Variants in PCCA observed in about 807,000 individuals in gnomAD.
PCCA encodes propionyl-CoA carboxylase alpha chain, mitochondrial.
PCCA carries 74 observed loss-of-function variants against 101.3 expected under a neutral mutation model. The observed-to-expected ratio is 0.73, with a 90% CI of 0.61 to 0.89. The LOEUF (loss-of-function observed/expected upper bound fraction) is 0.89. PCCA is among the 40% of genes least tolerant of loss of function. PCCA has a pLI of 0.00. For synonymous variants in PCCA, 294 were observed against 313.6 expected (o/e 0.94, Z 0.66); for missense variants, 891 against 907.0 (o/e 0.98, Z 0.23).
chr13:100,432,544 A>C (rs2079631033), intron 20 of PCCA, among the ~76,000 whole-genome samples: 1 of 152,214 alleles, frequency 6.6e-6, no homozygotes, highest in African/African-American at 2.4e-5. Context: ...AGGTTGGAGG[A>C]CCAGATAGTG....
At chr13:100,140,512 C>T (rs1000407297) in intron 4 of PCCA, among the ~76,000 whole-genome samples, 4 of 152,172 alleles carry the variant, frequency 2.6e-5, no homozygotes, top group African/African-American at 9.7e-5. Context: ...TAGGGGTTCT[C>T]CTGGAGTTCT....
intron 7 of PCCA, among the ~76,000 whole-genome samples, chr13:100,230,286 G>A (rs1253276957): frequency 6.6e-6 from 1 of 152,152 alleles, no homozygotes; most frequent in Non-Finnish European, 1.5e-5. Context: ...GCTCATGCCT[G>A]TAATCCCAGC....
rs1489360535 is a variant in PCCA at position 100,491,617 on chromosome 13, C to CA, written c.1900-23807dup. 5.4e-6 allele frequency: 7 copies of CA among 1,294,500 alleles called. No homozygotes were observed. In the African/African-American group the frequency reaches 7.6e-5, roughly 14 times the overall value. 80.2% of individuals were successfully genotyped at this position (1,294,500 alleles called of 1,614,324 possible). ...GTTAACTCGGTTGTGAAATAATGGCCAAAGCGGTGCACTCTTAATAACTTT... is the reference window on the plus strand; with the variant it reads ...GTTAACTCGGTTGTGAAATAATGGCCAAAAGCGGTGCACTCTTAATAACTTT... On this transcript the variant is annotated intron_variant, in intron 21 of 23. Coordinates refer to ENST00000376285, the MANE Select transcript of PCCA (RefSeq NM_000282.4).
At chr13:100,163,752 TG>T (rs1260961080) in intron 6 of PCCA, among the ~76,000 whole-genome samples, 2 of 152,176 alleles carry the variant, frequency 1.3e-5, no homozygotes, top group Non-Finnish European at 2.9e-5. Context: ...TCAAGGTGGT[TG>T]GATTTATGTC....
intron 20 of PCCA, among the ~76,000 whole-genome samples, chr13:100,431,464 G>A (rs573178136): frequency 2.6e-5 from 4 of 152,196 alleles, no homozygotes; most frequent in South Asian, 4.2e-4. Flanking sequence ...TGTGTTTTGC[G>A]TTTGTGTAGA....
At chr13:100,276,213 CAAAAAAAA>C (rs59671834) in intron 12 of PCCA, among the ~76,000 whole-genome samples, 24 of 102,140 alleles carry the variant, frequency 2.3e-4, no homozygotes, top group African/African-American at 1.0e-3. Context: ...TTGTCTGTAC[CAAAAAAAA>C]AAAAAAAAAA....
At chr13:100,426,198 G>T in intron 20 of PCCA, among the ~76,000 whole-genome samples, 2 of 151,778 alleles carry the variant, frequency 1.3e-5, no homozygotes, top group South Asian at 2.1e-4. Context: ...CTTTCTTTTC[G>T]CCTCAATATA....
At chr13:100,339,119 C>A (rs2070936304) in intron 17 of PCCA, among the ~76,000 whole-genome samples, 1 of 152,080 alleles carries the variant, frequency 6.6e-6, no homozygotes, top group Non-Finnish European at 1.5e-5. Flanking sequence ...CATATCCTCC[C>A]TGCACTTTAA....
chr13:100,421,763 C>T (rs915298997), intron 19 of PCCA, among the ~76,000 whole-genome samples: 6 of 151,998 alleles, frequency 3.9e-5, no homozygotes, highest in African/African-American at 1.5e-4. Context: ...CAGCTCACTG[C>T]AACCTCTGCC....
At chr13:100,195,992 A>T (rs1387002298) in intron 6 of PCCA, among the ~76,000 whole-genome samples, 1 of 152,202 alleles carries the variant, frequency 6.6e-6, no homozygotes, top group Non-Finnish European at 1.5e-5. Context: ...TCAAATATGC[A>T]CAAAAGAAAT....
chr13:100,234,158 C>G (rs759223629), intron 7 of PCCA, among the ~76,000 whole-genome samples: 1 of 152,142 alleles, frequency 6.6e-6, no homozygotes, highest in East Asian at 1.9e-4. Flanking sequence ...ACTAATTGTT[C>G]GCATTTGGCA....
intron 4 of PCCA, among the ~76,000 whole-genome samples, chr13:100,154,193 G>A (rs1249108290): frequency 6.6e-6 from 1 of 152,152 alleles, no homozygotes; most frequent in Non-Finnish European, 1.5e-5. Flanking sequence ...TAAAAAGATA[G>A]TAATCCTTTC....
At chr13:100,529,692 A>G (rs761865652) in intron 23 of PCCA, among the ~76,000 whole-genome samples, 1 of 152,132 alleles carries the variant, frequency 6.6e-6, no homozygotes, top group Non-Finnish European at 1.5e-5. Flanking sequence ...TACACTAAGT[A>G]TTCCATTAAT....
chr13:100,138,692 TG>T (rs1278056772), intron 4 of PCCA, among the ~76,000 whole-genome samples: 2 of 151,916 alleles, frequency 1.3e-5, no homozygotes, highest in African/African-American at 4.8e-5. Flanking sequence ...CACAGCACTT[TG>T]GGAGGCCGAA....
Position 100,413,222 on chromosome 13 carries a change from G to A in PCCA, c.1747-12411G>A, listed in dbSNP as rs921459814. 3.9e-5 allele frequency among the ~76,000 whole-genome samples: 6 copies of A among 152,266 alleles called. 1 individual carries two copies. The East Asian group carries it at 7.7e-4, about 20-fold the overall frequency. On this transcript the variant is annotated intron_variant, in intron 19 of 23. Transcript: ENST00000376285. ...AGTCACAGATAATAATATAAAGTAG[G>A]TAGGATTAACAAGAAACAGCACATC...
At chr13:100,243,061 A>G (rs1010579721) in intron 8 of PCCA, among the ~76,000 whole-genome samples, 1 of 151,976 alleles carries the variant, frequency 6.6e-6, no homozygotes, top group African/African-American at 2.4e-5. Context: ...ACGCCTGGCT[A>G]ATTTTTGTAT....
intron 6 of PCCA, among the ~76,000 whole-genome samples, chr13:100,199,203 C>A (rs1433759838): frequency 6.6e-6 from 1 of 151,280 alleles, no homozygotes; most frequent in African/African-American, 2.5e-5. Context: ...TACCCTGAAT[C>A]CTGGAAAGCT....
chr13:100,422,411 T>A (rs2078892926), intron 19 of PCCA, among the ~76,000 whole-genome samples: 1 of 152,174 alleles, frequency 6.6e-6, no homozygotes. Flanking sequence ...GTGCTGGGCT[T>A]ACAGGCGTGA....
intron 22 of PCCA, among the ~76,000 whole-genome samples, chr13:100,527,113 T>G (rs2087901499): frequency 6.6e-6 from 1 of 152,090 alleles, no homozygotes; most frequent in South Asian, 2.1e-4. Flanking sequence ...TTTTTTTTTT[T>G]GGTAACAGCT....
Sources: gnomAD v4.1 joint callset for allele counts (sites outside exome capture counted in the v4.1 genomes callset) on GRCh38, gnomAD v4.1.1 for gene constraint, MANE v1.5 for transcripts, NCBI Gene and HGNC (gene_info 2026-07-23, HGNC 2026-07-21) for gene names.